Variants in ALPL observed in about 807,000 individuals in gnomAD.
ALPL encodes alkaline phosphatase, biomineralization associated.
ALPL carries 42 observed loss-of-function variants against 51.3 expected under a neutral mutation model. The observed-to-expected ratio is 0.82, with a 90% CI of 0.64 to 1.06. The LOEUF (loss-of-function observed/expected upper bound fraction) is 1.06. Ranked by LOEUF, ALPL falls within the 50% of genes least tolerant of loss-of-function variation. The pLI, the probability that ALPL is intolerant of heterozygous loss-of-function variation, is 0.00. For synonymous variants in ALPL, 279 were observed against 296.4 expected (o/e 0.94, Z 0.60); for missense variants, 589 against 709.4 (o/e 0.83, Z 1.93).
Position 21,542,868 on chromosome 1 carries a change from C to T in ALPL, c.-104-11110C>T, listed in dbSNP as rs574353946. 3.9e-5 allele frequency among the ~76,000 whole-genome samples: 6 copies of T among 152,138 alleles called. No homozygotes were observed. The South Asian group carries it at 1.2e-3, about 32-fold the overall frequency. ...TCCCCCCACCAAAAAAATACAGCTTCCAGCTGGGCACAGCGGCTTATACCT... is the reference window on the plus strand; with the variant it reads ...TCCCCCCACCAAAAAAATACAGCTTTCAGCTGGGCACAGCGGCTTATACCT... On this transcript the variant is annotated intron_variant, in intron 1 of 11. Coordinates refer to ENST00000374840, the MANE Select transcript of ALPL (RefSeq NM_000478.6).
intron 7 of ALPL, among the ~76,000 whole-genome samples, chr1:21,568,548 C>G (rs1028982212): frequency 6.6e-6 from 1 of 151,990 alleles, no homozygotes; most frequent in Non-Finnish European, 1.5e-5. Context: ...GCGGGGCATG[C>G]GTGAGGCACA....
At chr1:21,515,835 G>GTTGT (rs77866939) in intron 1 of ALPL, among the ~76,000 whole-genome samples, 49,294 of 150,918 alleles carry the variant, frequency 0.33, 8,730 homozygotes, top group East Asian at 0.48. Flanking sequence ...CAGGCTTGTT[G>GTTGT]TTTTTTTGTT....
At chr1:21,547,840 G>T (rs77337314) in intron 1 of ALPL, among the ~76,000 whole-genome samples, 3,189 of 152,340 alleles carry the variant, frequency 0.021, 105 homozygotes, top group African/African-American at 0.073. Context: ...AGAAATGGTA[G>T]TGACACGTTT....
At chr1:21,560,303 T>C (rs1441984471) in intron 2 of ALPL, among the ~76,000 whole-genome samples, 1 of 152,258 alleles carries the variant, frequency 6.6e-6, no homozygotes, top group African/African-American at 2.4e-5. Context: ...GTAGAAGGAA[T>C]GAGCATGGGC....
chr1:21,569,605 C>T (rs1163983279), intron 7 of ALPL, among the ~76,000 whole-genome samples: 3 of 152,142 alleles, frequency 2.0e-5, no homozygotes, highest in Non-Finnish European at 4.4e-5. Flanking sequence ...TTCTGAGCCT[C>T]TCTGCCCTCC....
At position 21,524,637 on chromosome 1, in the gene ALPL, T is replaced by C. The variant is rs559471537; in HGVS notation, c.-105+15120T>C. Reference sequence around the variant, plus strand: ...TGCTCCAGAGTCCGGTCTCACTTAATGAGTACTAGATAATTCTCTGCATGT... The same window carrying C: ...TGCTCCAGAGTCCGGTCTCACTTAACGAGTACTAGATAATTCTCTGCATGT... On this transcript the variant is annotated intron_variant, in intron 1 of 11. Coordinates refer to ENST00000374840, the MANE Select transcript of ALPL (RefSeq NM_000478.6). Among the ~76,000 whole-genome samples, 367 of 152,310 alleles carry C rather than the reference T, an allele frequency of 2.4e-3. 2 individuals carry two copies. The highest frequency in any genetic ancestry group is 6.8e-3 in the Middle Eastern group (2 of 294).
At chr1:21,524,083 C>T (rs936050836) in intron 1 of ALPL, among the ~76,000 whole-genome samples, 3 of 150,424 alleles carry the variant, frequency 2.0e-5, no homozygotes, top group Non-Finnish European at 4.4e-5. Flanking sequence ...GGCTCACTGC[C>T]ACCTCCACCT....
chr1:21,560,604 A>G, intron 2 of ALPL, 22 bp from the exon 3 acceptor site: 1 of 1,613,662 alleles, frequency 6.2e-7, no homozygotes, highest in Non-Finnish European at 8.5e-7. Flanking sequence ...CCCGCCAAGT[A>G]ACTGCCTCTC....
At chr1:21,544,653 C>T (rs1054522643) in intron 1 of ALPL, among the ~76,000 whole-genome samples, 3 of 152,052 alleles carry the variant, frequency 2.0e-5, no homozygotes, top group African/African-American at 4.8e-5. Context: ...GGCTGAGGCA[C>T]GAGAATTGCT....
At chr1:21,576,351 G>C (rs1237206462) in intron 10 of ALPL, among the ~76,000 whole-genome samples, 171 bp from the exon 11 acceptor site, 2 of 151,934 alleles carry the variant, frequency 1.3e-5, no homozygotes, top group Non-Finnish European at 2.9e-5. Context: ...GAAAACTGGG[G>C]AATGGTTAGT....
chr1:21,522,399 C>G (rs895728052), intron 1 of ALPL, among the ~76,000 whole-genome samples: 1 of 152,166 alleles, frequency 6.6e-6, no homozygotes, highest in South Asian at 2.1e-4. Context: ...ATATCATGAA[C>G]CAGGCTGTGT....
At chr1:21,509,370 CCTCA>C (rs1368413105), upstream of ALPL, 1 of 149,792 alleles carries the variant, frequency 6.7e-6, no homozygotes, top group Non-Finnish European at 1.5e-5. This position sits in a 1 kb window ranked among gnomAD's most constrained non-coding sequence, Gnocchi z 6.0. Context: ...GCTGCCCGGG[CCTCA>C]CTCGGGCCCC....
At chr1:21,530,096 A>G (rs1452155088) in intron 1 of ALPL, among the ~76,000 whole-genome samples, 1 of 151,976 alleles carries the variant, frequency 6.6e-6, no homozygotes, top group Non-Finnish European at 1.5e-5. Context: ...TTTTCTTTAG[A>G]ATTCATTGTG....
chr1:21,551,235 A>C (rs1644316552), intron 1 of ALPL: 1 of 152,198 alleles, frequency 6.6e-6, no homozygotes, highest in Admixed American at 6.5e-5. Flanking sequence ...TACTATGCCA[A>C]GCACTAGGAG....
chr1:21,566,750 C>T (rs1401592011), intron 6 of ALPL, among the ~76,000 whole-genome samples: 2 of 151,972 alleles, frequency 1.3e-5, no homozygotes, highest in East Asian at 1.9e-4. Flanking sequence ...CCACCATGCC[C>T]GGCTAAGTTT....
Position 21,568,211 on chromosome 1 carries a change from C to T in ALPL, c.756C>T (p.Leu252=), listed in dbSNP as rs867145238. ...ARGTRLDGLD[L]VDTWKSFKPR... is the part of the protein sequence containing the mutation. ...GCACGAGGCTGGACGGCCTGGACCT[C>T]GTTGACACCTGGAAGAGCTTCAAAC... Residue 252 remains leucine, a synonymous_variant, in exon 7 of 12, where the codon CTC becomes CTT. Transcript: ENST00000374840. 7.4e-6 allele frequency: 12 copies of T among 1,613,904 alleles called. No individual in the cohort carries two copies. The highest frequency in any genetic ancestry group is 2.2e-5 in the East Asian group (1 of 44,862).
intron 1 of ALPL, among the ~76,000 whole-genome samples, chr1:21,528,016 G>GT (rs913674930): frequency 5.0e-4 from 73 of 146,206 alleles, no homozygotes; most frequent in Non-Finnish European, 8.8e-4. Flanking sequence ...TTTTTTTTTT[G>GT]TTTTTTTGTT....
At chr1:21,517,931 G>T (rs1643831363) in intron 1 of ALPL, among the ~76,000 whole-genome samples, 1 of 151,912 alleles carries the variant, frequency 6.6e-6, no homozygotes, top group Non-Finnish European at 1.5e-5. Context: ...ATATAGAGTT[G>T]GCACACAAGA....
chr1:21,554,793 CTGTCTGT>C (rs1558543612), intron 2 of ALPL, among the ~76,000 whole-genome samples: 6 of 38,266 alleles, frequency 1.6e-4, no homozygotes, highest in South Asian at 5.6e-4. Flanking sequence ...CCTGGCCTGT[CTGTCTGT>C]CTGTCTGTCT....
Sources: gnomAD v4.1 joint callset for allele counts (sites outside exome capture counted in the v4.1 genomes callset) on GRCh38, gnomAD v4.1.1 for gene constraint, Gnocchi (gnomAD v3.1) non-coding constraint, MANE v1.5 for transcripts, NCBI Gene and HGNC (gene_info 2026-07-23, HGNC 2026-07-21) for gene names.